USH2A: variants seen among roughly 807,000 people sequenced by gnomAD.
USH2A encodes the protein Usher syndrome 2A (autosomal recessive, mild).
USH2A carries 443 observed loss-of-function variants against 538.9 expected under a neutral mutation model. The ratio of observed to expected loss-of-function variants is 0.82; its 90% confidence interval spans 0.76 to 0.89. The LOEUF is 0.89. Ranked by LOEUF, USH2A falls within the 40% of genes least tolerant of loss-of-function variation. The pLI is 0.00. For synonymous variants in USH2A, 2,413 were observed against 2,273.5 expected, an observed-to-expected ratio of 1.06 and a Z score of -1.75; for missense variants, 6,633 against 6,324.8, an observed-to-expected ratio of 1.05 and a Z score of -1.65.
chr1:215,871,933 C>CA (rs1274077886), intron 43 of USH2A, among the ~76,000 whole-genome samples: 4 of 152,160 alleles, frequency 2.6e-5, no homozygotes, highest in African/African-American at 9.7e-5. Flanking sequence ...TGTGGGAAAC[C>CA]AAAATTCTTC....
At chr1:216,392,176 C>A (rs1195981755) in intron 3 of USH2A, among the ~76,000 whole-genome samples, 3 of 151,996 alleles carry the variant, frequency 2.0e-5, no homozygotes, top group Admixed American at 2.0e-4. Flanking sequence ...GATGCAAGGA[C>A]AAATACAAAA....
chr1:216,215,127 C>T (rs2035318840), intron 15 of USH2A, among the ~76,000 whole-genome samples: 1 of 151,912 alleles, frequency 6.6e-6, no homozygotes, highest in South Asian at 2.1e-4. Context: ...GAAATTACAT[C>T]CTAGGATTCC....
At chr1:216,286,360 A>G (rs543943033) in intron 11 of USH2A, among the ~76,000 whole-genome samples, 1 of 152,238 alleles carries the variant, frequency 6.6e-6, no homozygotes, top group South Asian at 2.1e-4. Flanking sequence ...CATGTAAGAC[A>G]TGCCTTTGCT....
chr1:215,842,284 T>C (rs996912148), intron 46 of USH2A, among the ~76,000 whole-genome samples: 4 of 152,130 alleles, frequency 2.6e-5, no homozygotes, highest in Non-Finnish European at 5.9e-5. Context: ...GTCAGAATGG[T>C]GATTATTGAA....
intron 14 of USH2A, among the ~76,000 whole-genome samples, chr1:216,225,841 A>G (rs1459147469): frequency 1.3e-5 from 2 of 152,168 alleles, no homozygotes; most frequent in Non-Finnish European, 1.5e-5. Flanking sequence ...TATATTAAAA[A>G]TGAAATGCAC....
intron 4 of USH2A, among the ~76,000 whole-genome samples, chr1:216,331,318 A>G (rs1411970114): frequency 6.6e-6 from 1 of 152,122 alleles, no homozygotes; most frequent in Non-Finnish European, 1.5e-5. Flanking sequence ...TCATATGGCA[A>G]AGATATGTCT....
At chr1:216,057,507 A>G (rs1306453522) in intron 30 of USH2A, among the ~76,000 whole-genome samples, 1 of 150,598 alleles carries the variant, frequency 6.6e-6, no homozygotes, top group Non-Finnish European at 1.5e-5. Context: ...AATACCAACA[A>G]CAAAAACAAA....
intron 22 of USH2A, among the ~76,000 whole-genome samples, chr1:216,096,459 GATTTGT>G (rs2102572125): frequency 6.6e-6 from 1 of 152,214 alleles, no homozygotes; most frequent in Non-Finnish European, 1.5e-5. Context: ...TTTCTTCATT[GATTTGT>G]ATCTCAGTTA....
intron 44 of USH2A, among the ~76,000 whole-genome samples, chr1:215,854,337 G>T (rs1346313199): frequency 6.6e-6 from 1 of 152,126 alleles, no homozygotes; most frequent in Non-Finnish European, 1.5e-5. Flanking sequence ...CCCACAACAT[G>T]TGGGCATTAT....
chr1:216,062,431 A>T (rs1045900962), intron 30 of USH2A, among the ~76,000 whole-genome samples: 2 of 152,208 alleles, frequency 1.3e-5, no homozygotes, highest in Admixed American at 6.5e-5. Context: ...ACAGTGCAAA[A>T]ATCAGAAAAT....
At chr1:216,113,048 C>T (rs1571971353) in intron 21 of USH2A, among the ~76,000 whole-genome samples, 2 of 150,992 alleles carry the variant, frequency 1.3e-5, no homozygotes, top group Non-Finnish European at 3.0e-5. Context: ...TGAAATAATC[C>T]CCCATTCCTT....
intron 61 of USH2A, among the ~76,000 whole-genome samples, chr1:215,709,659 A>C (rs1193336385): frequency 4.0e-5 from 6 of 151,720 alleles, no homozygotes; most frequent in South Asian, 2.1e-4. Context: ...AAAAAAAAAA[A>C]AAAAAAAAAA....
rs937860875 is a variant in USH2A, at chr1:216,043,053, T to G, written c.6325+3378A>C. On this transcript the variant is annotated intron_variant, in intron 32 of 71. Coordinates refer to ENST00000307340, the MANE Select transcript of USH2A (RefSeq NM_206933.4). Reference sequence around the variant, plus strand: ...TTAAAGTCACCCAGTTTTGTTATTTTGACATGGCAGCCCTAGCAGACTAAT... The same window carrying G: ...TTAAAGTCACCCAGTTTTGTTATTTGGACATGGCAGCCCTAGCAGACTAAT... Among the ~76,000 whole-genome samples, 7 of 152,124 alleles carry G rather than the reference T, an allele frequency of 4.6e-5. No individual in the cohort carries two copies. In the East Asian group the frequency reaches 1.3e-3, roughly 29 times the overall value.
In USH2A at chr1:216,217,817, C is replaced by T. The variant is rs1443543214; in HGVS notation, c.2994-267G>A. On this transcript the variant is annotated intron_variant, in intron 14 of 71. Transcript: ENST00000307340. The stretch of plus-strand genomic sequence containing the variant: ...AATAGCAAAAAAAGATATTATATTG[C>T]TTTTTTACATCCCACAATATATCTT... 3.3e-5 allele frequency among the ~76,000 whole-genome samples: 5 copies of T among 151,970 alleles called. No homozygotes were observed. In the East Asian group the frequency reaches 5.8e-4, roughly 18 times the overall value.
intron 12 of USH2A, among the ~76,000 whole-genome samples, chr1:216,249,579 ATTCT>A (rs949250312): frequency 6.6e-6 from 1 of 152,242 alleles, no homozygotes; most frequent in Non-Finnish European, 1.5e-5. Flanking sequence ...TTTACACGTT[ATTCT>A]TTCTTTCTAA....
At chr1:216,238,032 C>T (rs1368529104) in intron 13 of USH2A, among the ~76,000 whole-genome samples, 2 of 152,160 alleles carry the variant, frequency 1.3e-5, no homozygotes, top group African/African-American at 4.8e-5. Context: ...GGAACATCAG[C>T]ATCTGATTCC....
At chr1:215,781,602 G>A (rs778627834) in intron 54 of USH2A, among the ~76,000 whole-genome samples, 2 of 152,090 alleles carry the variant, frequency 1.3e-5, no homozygotes, top group Non-Finnish European at 2.9e-5. Flanking sequence ...TATAGCAGAA[G>A]GCTTGGAACA....
At chr1:216,021,241 G>A (rs533541090) in intron 32 of USH2A, among the ~76,000 whole-genome samples, 1 of 152,246 alleles carries the variant, frequency 6.6e-6, no homozygotes, top group Non-Finnish European at 1.5e-5. Context: ...ATCTTGAATT[G>A]TAGCTCCCAT....
chr1:215,689,882 C>A (rs1658547277), intron 61 of USH2A, among the ~76,000 whole-genome samples: 1 of 152,182 alleles, frequency 6.6e-6, no homozygotes, highest in Non-Finnish European at 1.5e-5. Flanking sequence ...GAACAAAAGG[C>A]CTGAGACTCT....
Sources: allele counts gnomAD v4.1 joint callset (sites outside exome capture counted in the v4.1 genomes callset), GRCh38; gene constraint gnomAD v4.1.1; transcripts MANE v1.5; gene names NCBI Gene and HGNC (gene_info 2026-07-23, HGNC 2026-07-21).